Variants in MAP2K4 observed in about 807,000 individuals in gnomAD.
The protein encoded by MAP2K4 is mitogen-activated protein kinase kinase 4, also known as dual specificity mitogen-activated protein kinase kinase 4.
A neutral mutation model predicts 48.5 loss-of-function variants in MAP2K4; 4 were observed. The ratio of observed to expected loss-of-function variants is 0.08; its 90% CI spans 0.04 to 0.19. MAP2K4 has a LOEUF of 0.19. Ranked by LOEUF, MAP2K4 falls within the 10% of genes least tolerant of loss-of-function variation. The pLI, the probability that MAP2K4 is intolerant of heterozygous loss-of-function variation, is 1.00. For synonymous variants in MAP2K4, 166 were observed against 173.1 expected (o/e 0.96, Z 0.32); for missense variants, 258 against 493.3 (o/e 0.52, Z 4.52).
At chr17:12,113,491 G>T (rs111734610) in intron 7 of MAP2K4, 131 bp downstream of exon 7, 18 of 1,084,730 alleles carry the variant, frequency 1.7e-5, no homozygotes, top group African/African-American at 1.2e-4. Context: ...TAAGGCCCAA[G>T]CTCAGGTCCT....
chr17:12,049,909 A>G (rs1289227382), intron 1 of MAP2K4, among the ~76,000 whole-genome samples: 1 of 152,224 alleles, frequency 6.6e-6, no homozygotes, highest in African/African-American at 2.4e-5. Context: ...TGAACTCAGC[A>G]TTATATCAAA....
At position 12,081,887 on chromosome 17, in the gene MAP2K4, C is replaced by A; in HGVS notation, c.393+357C>A. Reference sequence around the variant, plus strand: ...GCCAGGCGGGAGCTGGAAGAAGACGCAGCACACTGGGTTGGGCAAGGTGCG... The same window carrying A: ...GCCAGGCGGGAGCTGGAAGAAGACGAAGCACACTGGGTTGGGCAAGGTGCG... On this transcript the variant is annotated intron_variant, in intron 3 of 10. Coordinates refer to ENST00000353533, the MANE Select transcript of MAP2K4 (RefSeq NM_003010.4). The surrounding 1 kb of genome is among the most constrained non-coding windows in gnomAD (Gnocchi z 4.2). The A allele has an allele frequency of 1.8e-6, 1 of 540,816 alleles. No homozygotes were observed. The allele number at this position is 540,816 out of a possible 1,614,324, so 33.5% of individuals were successfully genotyped here.
At chr17:12,121,461 G>C (rs966248660) in intron 7 of MAP2K4, among the ~76,000 whole-genome samples, 1 of 151,642 alleles carries the variant, frequency 6.6e-6, no homozygotes, top group Non-Finnish European at 1.5e-5. Context: ...TTCCATACCA[G>C]CTACTCAGGA....
At chr17:12,120,343 C>T (rs1381162849) in intron 7 of MAP2K4, among the ~76,000 whole-genome samples, 1 of 151,948 alleles carries the variant, frequency 6.6e-6, no homozygotes, top group Non-Finnish European at 1.5e-5. Flanking sequence ...GCCTGTAATC[C>T]CAGCTAGTCA....
At chr17:12,069,294 C>A (rs548048597) in intron 2 of MAP2K4, among the ~76,000 whole-genome samples, 2 of 152,204 alleles carry the variant, frequency 1.3e-5, no homozygotes, top group East Asian at 3.9e-4. Context: ...AAACATGTAA[C>A]CTATAGATTT....
chr17:12,121,540 A>C (rs1196824553), intron 7 of MAP2K4, among the ~76,000 whole-genome samples: 1 of 145,246 alleles, frequency 6.9e-6, no homozygotes, highest in Non-Finnish European at 1.5e-5. Context: ...GCGCCACTGC[A>C]CTCCAGCCTG....
At chr17:12,100,520 T>G (rs1255362243) in intron 4 of MAP2K4, among the ~76,000 whole-genome samples, 1 of 152,220 alleles carries the variant, frequency 6.6e-6, no homozygotes, top group East Asian at 1.9e-4. Flanking sequence ...AAAGTTGCTT[T>G]GAGCATTTAT....
chr17:12,043,264 GTTATAAAAACCAA>G (rs901887128), intron 1 of MAP2K4, among the ~76,000 whole-genome samples: 1 of 152,124 alleles, frequency 6.6e-6, no homozygotes, highest in Non-Finnish European at 1.5e-5. Flanking sequence ...TATTTGGATA[GTTATAAAAACCAA>G]TTACAAATAT....
chr17:12,039,544 TG>T (rs1969710729), intron 1 of MAP2K4, among the ~76,000 whole-genome samples: 1 of 152,224 alleles, frequency 6.6e-6, no homozygotes, highest in Non-Finnish European at 1.5e-5. Context: ...CAAATTCTGA[TG>T]ATCATTATTT....
intron 2 of MAP2K4, among the ~76,000 whole-genome samples, chr17:12,057,080 C>A (rs1044209015): frequency 1.3e-5 from 2 of 151,794 alleles, no homozygotes; most frequent in East Asian, 3.9e-4. Context: ...GATGCAGGAT[C>A]CTTTGCAAGA....
At chr17:12,097,668 A>T (rs187610679) in intron 4 of MAP2K4, among the ~76,000 whole-genome samples, 1 of 152,364 alleles carries the variant, frequency 6.6e-6, no homozygotes, top group East Asian at 1.9e-4. Context: ...TTTTCTTCCC[A>T]GTAATCTTCG....
At chr17:12,042,786 G>A (rs1214732299) in intron 1 of MAP2K4, among the ~76,000 whole-genome samples, 4 of 152,196 alleles carry the variant, frequency 2.6e-5, no homozygotes, top group Non-Finnish European at 5.9e-5. Flanking sequence ...AGTGGCTCAC[G>A]CCTGTAATCC....
chr17:12,059,680 A>T (rs951839028), intron 2 of MAP2K4, among the ~76,000 whole-genome samples: 1 of 152,178 alleles, frequency 6.6e-6, no homozygotes, highest in Non-Finnish European at 1.5e-5. Context: ...ATCTTTGTTT[A>T]TTACATTGGA....
intron 7 of MAP2K4, among the ~76,000 whole-genome samples, chr17:12,114,916 AGGCTGATAAACTCTT>A (rs1972437485): frequency 6.6e-6 from 1 of 152,212 alleles, no homozygotes; most frequent in African/African-American, 2.4e-5. Context: ...TGGAACACAA[AGGCTGATAAACTCTT>A]GGCCTCTAAT....
At position 12,086,533 on chromosome 17, in the gene MAP2K4, A is replaced by G. The variant is rs563567542; in HGVS notation, c.393+5003A>G. Among the ~76,000 whole-genome samples, 44 of 152,288 alleles carry G rather than the reference A, an allele frequency of 2.9e-4. 1 individual carries two copies. Among genetic ancestry groups the G allele is most frequent in the African/African-American group, 1.0e-3 (42 of 41,562 alleles). On this transcript the variant is annotated intron_variant, in intron 3 of 10. Transcript: ENST00000353533. ...TTAACAGAATTGGATGTGCAACCCAAGAAATAAAACAGCCAAAATCAGTAC... is the reference window on the plus strand; with the variant it reads ...TTAACAGAATTGGATGTGCAACCCAGGAAATAAAACAGCCAAAATCAGTAC...
intron 1 of MAP2K4, chr17:12,032,348 T>C: frequency 1.0e-6 from 1 of 986,702 alleles, no homozygotes; most frequent in Non-Finnish European, 1.4e-6. Flanking sequence ...TTCATATCCA[T>C]CTTGGTATTG....
chr17:12,124,081 A>T (rs978334498), intron 7 of MAP2K4, among the ~76,000 whole-genome samples: 19 of 152,210 alleles, frequency 1.2e-4, no homozygotes, highest in African/African-American at 4.6e-4. Flanking sequence ...TTACAACAAA[A>T]AAAAACAAAG....
At chr17:12,048,759 C>T (rs1308871331) in intron 1 of MAP2K4, among the ~76,000 whole-genome samples, 1 of 152,092 alleles carries the variant, frequency 6.6e-6, no homozygotes, top group African/African-American at 2.4e-5. Context: ...TGGGTTCAAG[C>T]GATTCCATTG....
At chr17:12,127,611 A>G (rs1244923013) in intron 8 of MAP2K4, among the ~76,000 whole-genome samples, 1 of 152,214 alleles carries the variant, frequency 6.6e-6, no homozygotes, top group African/African-American at 2.4e-5. Context: ...AAATTGTGAA[A>G]TGTATGAAAT....
Sources: allele counts gnomAD v4.1 joint callset (sites outside exome capture counted in the v4.1 genomes callset), GRCh38; gene constraint gnomAD v4.1.1; non-coding constraint Gnocchi (gnomAD v3.1); transcripts MANE v1.5; gene names NCBI Gene and HGNC (gene_info 2026-07-23, HGNC 2026-07-21).